Variants in UQCC6 observed in about 807,000 individuals in gnomAD.
The protein encoded by UQCC6 is protein BRAWNIN.
chr12:103,960,399 C>T, the UQCC6 span, among the ~76,000 whole-genome samples: 1 of 152,128 alleles, frequency 6.6e-6, no homozygotes, highest in Non-Finnish European at 1.5e-5. Context: ...ACATTCCCAT[C>T]AGCAGTGTAT....
chr12:103,961,485 C>T, the UQCC6 span, among the ~76,000 whole-genome samples: 1 of 152,190 alleles, frequency 6.6e-6, no homozygotes, highest in African/African-American at 2.4e-5. Context: ...GTTCTGCAAA[C>T]TCCATTCATG....
At chr12:103,957,862 G>A in the UQCC6 span, among the ~76,000 whole-genome samples, 1 of 146,832 alleles carries the variant, frequency 6.8e-6, no homozygotes, top group African/African-American at 2.5e-5. Context: ...GGCCAACATG[G>A]CAAGATGGCA....
the UQCC6 span, among the ~76,000 whole-genome samples, chr12:103,960,952 T>TAA: frequency 9.3e-5 from 14 of 150,220 alleles, no homozygotes; most frequent in Admixed American, 4.6e-4. Context: ...TATTCTTTTT[T>TAA]AAAAAAAAAA....
At chr12:103,954,340 C>A in the UQCC6 span, among the ~76,000 whole-genome samples, 2,037 of 149,508 alleles carry the variant, frequency 0.014, 43 homozygotes, top group African/African-American at 0.048. Context: ...GTTTATTTGG[C>A]TCTTGGTTCT....
At chr12:103,952,700 A>G in the UQCC6 span, among the ~76,000 whole-genome samples, 2 of 152,198 alleles carry the variant, frequency 1.3e-5, no homozygotes, top group Non-Finnish European at 2.9e-5. Context: ...GTTTTACTAC[A>G]GCCATTGTAG....
chr12:103,956,344 G>C, the UQCC6 span: 1 of 291,494 alleles, frequency 3.4e-6, no homozygotes, highest in Non-Finnish European at 6.5e-6. Context: ...ACAGGGGAAA[G>C]AACTGGTAAA....
the UQCC6 span, among the ~76,000 whole-genome samples, chr12:103,957,542 C>A: frequency 6.6e-6 from 1 of 152,136 alleles, no homozygotes; most frequent in South Asian, 2.1e-4. Flanking sequence ...TGGGAGGTCA[C>A]CCTCCTGTGA....
chr12:103,956,567 G>T, the UQCC6 span: 1 of 1,100,918 alleles, frequency 9.1e-7, no homozygotes, highest in Non-Finnish European at 1.4e-6. Context: ...CTAAGGCTGG[G>T]TAATTTACAA....
At chr12:103,958,290 A>G in the UQCC6 span, among the ~76,000 whole-genome samples, 1 of 151,940 alleles carries the variant, frequency 6.6e-6, no homozygotes. Context: ...CATAATACTC[A>G]TATTTGTAAA....
At chr12:103,956,513 G>A in the UQCC6 span, 3 of 684,908 alleles carry the variant, frequency 4.4e-6, no homozygotes, top group Non-Finnish European at 7.7e-6. Context: ...GCCACGAGGA[G>A]AATGGAGTGG....
chr12:103,961,253 T>C, the UQCC6 span, among the ~76,000 whole-genome samples: 2 of 146,642 alleles, frequency 1.4e-5, no homozygotes, highest in African/African-American at 5.0e-5. Flanking sequence ...AGCTGTACAA[T>C]GTGTGTTTTA....
At chr12:103,950,207 T>G in the UQCC6 span, 1 of 152,162 alleles carries the variant, frequency 6.6e-6, no homozygotes, top group Admixed American at 6.5e-5. Context: ...GGGGATAATA[T>G]AGTACTGCCT....
At chr12:103,964,565 C>G in the UQCC6 span, among the ~76,000 whole-genome samples, 3 of 152,172 alleles carry the variant, frequency 2.0e-5, no homozygotes, top group African/African-American at 7.2e-5. Flanking sequence ...GTGCAGACAT[C>G]CTGAGAAAAG....
the UQCC6 span, chr12:103,954,600 C>A: frequency 3.7e-6 from 1 of 270,922 alleles, no homozygotes; most frequent in Admixed American, 5.5e-5. Flanking sequence ...ACACCTCCCG[C>A]CAGGTCCTAC....
the UQCC6 span, chr12:103,956,489 A>G: frequency 1.6e-6 from 1 of 625,572 alleles, no homozygotes; most frequent in Non-Finnish European, 2.9e-6. Context: ...ATTTCGTTCA[A>G]GATCACTTTT....
the UQCC6 span, chr12:103,956,586 G>A: frequency 8.0e-7 from 1 of 1,251,322 alleles, no homozygotes; most frequent in East Asian, 2.5e-5. Flanking sequence ...AAAGAAATGA[G>A]GTATATTTAG....
the UQCC6 span, among the ~76,000 whole-genome samples, chr12:103,957,823 A>C: frequency 6.6e-6 from 1 of 151,156 alleles, no homozygotes; most frequent in Admixed American, 6.6e-5. Flanking sequence ...CGGGCGGATC[A>C]CTTGAGGCCT....
chr12:103,951,632 T>A, the UQCC6 span: 27 of 1,475,788 alleles, frequency 1.8e-5, no homozygotes, highest in Admixed American at 2.3e-5. Flanking sequence ...AGGTATTGTC[T>A]GCAAAAAAAA....
At chr12:103,959,731 T>A in the UQCC6 span, among the ~76,000 whole-genome samples, 1 of 151,318 alleles carries the variant, frequency 6.6e-6, no homozygotes, top group African/African-American at 2.4e-5. Flanking sequence ...TAATAATAAT[T>A]AACTTTTTTA....
Sources: gnomAD v4.1 joint callset for allele counts (sites outside exome capture counted in the v4.1 genomes callset) on GRCh38, gnomAD v4.1.1 for gene constraint, MANE v1.5 for transcripts, NCBI Gene and HGNC (gene_info 2026-07-23, HGNC 2026-07-21) for gene names.